The following PSD3 variants were observed in gnomAD, a reference collection of about 807,000 sequenced individuals.
PSD3 encodes the protein PH and SEC7 domain-containing protein 3.
A neutral mutation model predicts 105.5 loss-of-function variants in PSD3; 49 were observed. The observed-to-expected ratio is 0.46, with a 90% CI of 0.37 to 0.59. PSD3 has a LOEUF of 0.59. Ranked by LOEUF, PSD3 falls within the 20% of genes least tolerant of loss-of-function variation. The pLI is 0.00. For synonymous variants in PSD3, 557 were observed against 457.8 expected (o/e 1.22, Z -2.77); for missense variants, 1,561 against 1,263.8 (o/e 1.24, Z -3.57).
At chr8:18,818,423 C>A (rs1406132094) in intron 4 of PSD3, among the ~76,000 whole-genome samples, 1 of 151,970 alleles carries the variant, frequency 6.6e-6, no homozygotes, top group Non-Finnish European at 1.5e-5. Context: ...CCTCCTAGAA[C>A]CAAACTACCT....
chr8:18,601,912 C>A lies in PSD3; in HGVS notation c.2411-1478G>T, dbSNP rs559886480. On this transcript the variant is annotated intron_variant, in intron 11 of 15. Coordinates refer to ENST00000327040, the MANE Select transcript of PSD3 (RefSeq NM_015310.4). Reference sequence around the variant, plus strand: ...GGCACAGTGTGCAGGAGGCACCTGACTTGAAAGCAGACCAGCTGGTTTCCA... The same window carrying A: ...GGCACAGTGTGCAGGAGGCACCTGAATTGAAAGCAGACCAGCTGGTTTCCA... 3.3e-5 allele frequency among the ~76,000 whole-genome samples: 5 copies of A among 152,274 alleles called. No individual in the cohort carries two copies. In the South Asian group the frequency reaches 1.0e-3, roughly 32 times the overall value.
chr8:18,898,840 C>T (rs1255298182), intron 2 of PSD3, among the ~76,000 whole-genome samples: 1 of 152,024 alleles, frequency 6.6e-6, no homozygotes, highest in African/African-American at 2.4e-5. Flanking sequence ...GTCCTCATCT[C>T]AAGGATGGGA....
chr8:18,700,193 C>T (rs538163531), intron 9 of PSD3, among the ~76,000 whole-genome samples: 3 of 152,200 alleles, frequency 2.0e-5, no homozygotes, highest in South Asian at 4.1e-4. Context: ...AATATAAAAA[C>T]CAAACCCAGA....
At chr8:18,708,110 A>G (rs1228407358) in intron 9 of PSD3, among the ~76,000 whole-genome samples, 1 of 152,216 alleles carries the variant, frequency 6.6e-6, no homozygotes, top group Non-Finnish European at 1.5e-5. Flanking sequence ...ACAGGGGAGA[A>G]AGGGAAAACA....
At chr8:19,041,089 G>A (rs1023340957) in intron 1 of PSD3, among the ~76,000 whole-genome samples, 8 of 152,044 alleles carry the variant, frequency 5.3e-5, no homozygotes, top group African/African-American at 1.9e-4. Context: ...TAGAGACATG[G>A]TCTCACTATG....
chr8:18,590,081 C>T (rs1803482537), intron 12 of PSD3, among the ~76,000 whole-genome samples: 2 of 151,882 alleles, frequency 1.3e-5, no homozygotes, highest in Admixed American at 1.3e-4. Context: ...AAAAAAGATA[C>T]AGTATAGTTG....
At chr8:18,717,498 T>C (rs1802676141) in intron 9 of PSD3, among the ~76,000 whole-genome samples, 2 of 152,180 alleles carry the variant, frequency 1.3e-5, no homozygotes, top group South Asian at 4.1e-4. Flanking sequence ...TGTTGCAAGC[T>C]TTTGAGCCAA....
At chr8:18,941,147 T>C (rs1381646708) in intron 1 of PSD3, among the ~76,000 whole-genome samples, 5 of 152,224 alleles carry the variant, frequency 3.3e-5, no homozygotes, top group African/African-American at 9.6e-5. Context: ...ACTAACTGAA[T>C]AAAATATATT....
intron 4 of PSD3, among the ~76,000 whole-genome samples, chr8:18,839,262 G>C (rs1205701007): frequency 1.3e-5 from 2 of 152,132 alleles, no homozygotes; most frequent in African/African-American, 2.4e-5. Context: ...GGACAGAAGA[G>C]ACATTTCAAG....
At chr8:18,566,342 C>T (rs1022244236) in intron 14 of PSD3, among the ~76,000 whole-genome samples, 10 of 152,014 alleles carry the variant, frequency 6.6e-5, no homozygotes, top group East Asian at 1.9e-4. Flanking sequence ...ATTGCTAACA[C>T]GGTGAAACCT....
intron 10 of PSD3, among the ~76,000 whole-genome samples, 185 bp downstream of exon 10, chr8:18,655,457 C>T (rs552098101): frequency 1.3e-5 from 2 of 152,082 alleles, no homozygotes; most frequent in Admixed American, 6.5e-5. Flanking sequence ...TGTATAAAAC[C>T]GAAATAGGTT....
In PSD3 at chr8:18,610,237, C is replaced by A. The variant is rs188786847; in HGVS notation, c.2411-9803G>T. On this transcript the variant is annotated intron_variant, in intron 11 of 15. Transcript: ENST00000327040. ...GGACTCTATACTTCTTTATTTGAGT[C>A]CTTGTGGATGAACTGCAACCTAACT... Among the ~76,000 whole-genome samples the A allele has an allele frequency of 1.7e-3, 258 of 152,192 alleles. 1 individual carries two copies. The highest frequency in any genetic ancestry group is 6.0e-3 in the African/African-American group (251 of 41,516).
At chr8:18,592,260 G>A (rs1803669085) in intron 12 of PSD3, among the ~76,000 whole-genome samples, 1 of 152,046 alleles carries the variant, frequency 6.6e-6, no homozygotes, top group Non-Finnish European at 1.5e-5. Context: ...CAGATGAGAG[G>A]CTCAAGAGCA....
chr8:18,984,836 G>T (rs954141065), intron 1 of PSD3, among the ~76,000 whole-genome samples: 1 of 152,180 alleles, frequency 6.6e-6, no homozygotes, highest in Non-Finnish European at 1.5e-5. Flanking sequence ...GACCTTGGAG[G>T]CTGTGAAGGC....
intron 15 of PSD3, among the ~76,000 whole-genome samples, chr8:18,543,343 G>A (rs900569891): frequency 3.3e-5 from 5 of 152,118 alleles, no homozygotes; most frequent in Admixed American, 6.5e-5. Context: ...GGCCAGGCGC[G>A]GTGACTCACA....
At chr8:18,743,425 T>C (rs1804735192) in intron 9 of PSD3, among the ~76,000 whole-genome samples, 1 of 152,136 alleles carries the variant, frequency 6.6e-6, no homozygotes, top group Non-Finnish European at 1.5e-5. Context: ...TGTTCGAGCA[T>C]GCTTACATTC....
chr8:18,641,443 A>G (rs1807634269), intron 10 of PSD3, among the ~76,000 whole-genome samples: 1 of 152,208 alleles, frequency 6.6e-6, no homozygotes, highest in Admixed American at 6.5e-5. Flanking sequence ...ATATTGGCTA[A>G]AACATTTTTT....
chr8:18,686,702 A>T (rs1800680061), intron 9 of PSD3, among the ~76,000 whole-genome samples: 1 of 151,942 alleles, frequency 6.6e-6, no homozygotes, highest in African/African-American at 2.4e-5. Context: ...CACTCTTCTT[A>T]TCTTTGTCAG....
chr8:18,551,027 T>C (rs1464047697), intron 15 of PSD3, among the ~76,000 whole-genome samples: 1 of 152,188 alleles, frequency 6.6e-6, no homozygotes, highest in East Asian at 1.9e-4. Context: ...TGGCTATCTT[T>C]GCACTTTTAT....
Sources: allele counts gnomAD v4.1 joint callset (sites outside exome capture counted in the v4.1 genomes callset), GRCh38; gene constraint gnomAD v4.1.1; transcripts MANE v1.5; gene names NCBI Gene and HGNC (gene_info 2026-07-23, HGNC 2026-07-21).